HSF1: variants seen among roughly 807,000 people sequenced by gnomAD.
HSF1 encodes heat shock factor protein 1.
Under a neutral mutation model 51.7 loss-of-function variants are expected in HSF1, and 32 were observed. The ratio of observed to expected loss-of-function variants is 0.62; its 90% CI spans 0.47 to 0.83. The LOEUF is 0.83. Ranked by LOEUF, HSF1 falls within the 40% of genes least tolerant of loss-of-function variation. The pLI, the probability that HSF1 is intolerant of heterozygous loss-of-function variation, is 0.00. For missense variants in HSF1, 727 were observed against 717.0 expected, an observed-to-expected ratio of 1.01 and a Z score of -0.16; for synonymous variants, 396 against 309.7, an observed-to-expected ratio of 1.28 and a Z score of -2.92.
chr8:144,311,253 G>A lies in HSF1; in HGVS notation c.564+4G>A. The A allele has an allele frequency of 6.2e-7, 1 of 1,613,440 alleles. No homozygotes were observed. Among genetic ancestry groups the A allele is most frequent in the South Asian group, 1.1e-5 (1 of 91,080 alleles). ...GCAACAGAAAGTCGTCAACAAGGTGGGGGCAGGGCCAGAGGGCCGGCGGGG... is the reference window on the plus strand; with the variant it reads ...GCAACAGAAAGTCGTCAACAAGGTGAGGGCAGGGCCAGAGGGCCGGCGGGG... On this transcript the variant is annotated splice_donor_region_variant and intron_variant, in intron 5 of 12. Transcript: ENST00000528838.
chr8:144,311,221 A>G lies in HSF1; in HGVS notation c.536A>G (p.His179Arg). Residue 179 changes from histidine to arginine, a missense_variant, in exon 5 of 13, where the codon CAT becomes CGT. His to Arg is a conservative substitution (Grantham distance 29). This residue lies in a region of HSF1 where 257 missense variants were observed against 318.3 expected (regional missense o/e 0.81). Coordinates refer to ENST00000528838, the MANE Select transcript of HSF1 (RefSeq NM_005526.4). Reference protein sequence around the residue: ...WREVASLRQKHAQQQKVVNKL... With the variant: ...WREVASLRQKRAQQQKVVNKL... ...GAGGTGGCCAGCCTTCGGCAGAAGC[A>G]TGCCCAGCAACAGAAAGTCGTCAAC... 6.2e-7 allele frequency: 1 copy of G among 1,611,896 alleles called. No homozygotes were observed. Among genetic ancestry groups the G allele is most frequent in the Non-Finnish European group, 8.5e-7 (1 of 1,179,420 alleles).
rs781873655 is a variant in HSF1, at chr8:144,311,682, T to C, written c.724-18T>C. The C allele has an allele frequency of 6.2e-7, 1 of 1,609,364 alleles. No homozygotes were observed. Among genetic ancestry groups the C allele is most frequent in the African/African-American group, 1.3e-5 (1 of 74,818 alleles). On this transcript the variant is annotated intron_variant, in intron 7 of 12. Transcript: ENST00000528838. ...TGCCCCTGCCGGCACTGCATGGACCTCCTGCCTTTGATTGCAGGCCCCCTC... is the reference window on the plus strand; with the variant it reads ...TGCCCCTGCCGGCACTGCATGGACCCCCTGCCTTTGATTGCAGGCCCCCTC...
Position 144,314,246 on chromosome 8 carries a change from A to C in HSF1, c.1506A>C (p.Glu502Asp), listed in dbSNP as rs1164423085. 3 of 1,550,384 alleles carry C rather than the reference A, an allele frequency of 1.9e-6. No individual in the cohort carries two copies. The highest frequency in any genetic ancestry group is 1.7e-6 in the Non-Finnish European group (2 of 1,147,026). ...TGGGAGAGGGCTCCTACTTCTCCGA[A>C]GGGGACGGCTTCGCCGAGGACCCCA... Reference protein sequence around the residue: ...FELGEGSYFSEGDGFAEDPTI... With the variant: ...FELGEGSYFSDGDGFAEDPTI... The change falls in exon 13 of 13, where the codon GAA becomes GAC. Residue 502 changes from glutamate to aspartate, a missense_variant. This residue lies in a region of HSF1 where 470 missense variants were observed against 398.8 expected (regional missense o/e 1.18). Transcript: ENST00000528838.
intron 2 of HSF1, 100 bp from the exon 3 acceptor site, chr8:144,309,355 C>T (rs1816441935): frequency 6.5e-7 from 1 of 1,539,148 alleles, no homozygotes; most frequent in African/African-American, 1.4e-5. Flanking sequence ...AGGGTCTGAC[C>T]ATGGCCAAGC....
rs1815097592 is a variant in HSF1 at position 144,291,715 on chromosome 8, C to T, written c.-43C>T. ...ACGGCGTTAGCCCGGCCCTCGGCCC[C>T]TCTTTGCGGCCGCTCCCTCCGCCTA... On this transcript the variant is annotated 5_prime_UTR_variant, in exon 1 of 13. Transcript: ENST00000528838. This position sits in a 1 kb window ranked among gnomAD's most constrained non-coding sequence, Gnocchi z 4.1. 8.2e-7 allele frequency: 1 copy of T among 1,226,920 alleles called. No individual in the cohort carries two copies. Among genetic ancestry groups the T allele is most frequent in the Non-Finnish European group, 1.1e-6 (1 of 891,138 alleles). 76.0% of individuals were successfully genotyped at this position (1,226,920 alleles called of 1,614,324 possible).
rs367560072 is a variant in HSF1 at position 144,311,927 on chromosome 8, C to T, written c.861-36C>T. On this transcript the variant is annotated intron_variant, in intron 8 of 12. Coordinates refer to ENST00000528838, the MANE Select transcript of HSF1 (RefSeq NM_005526.4). Reference sequence around the variant, plus strand: ...GAGTTGGGGATGAGGTGGGGCTGGCCGAGACGCCAGCTCACCTGGCCCCCC... The same window carrying T: ...GAGTTGGGGATGAGGTGGGGCTGGCTGAGACGCCAGCTCACCTGGCCCCCC... 3.2e-4 allele frequency: 498 copies of T among 1,578,976 alleles called. 1 individual carries two copies. In the African/African-American group the frequency reaches 5.7e-3, roughly 18 times the overall value.
rs782465996 is a variant in HSF1 at position 144,311,950 on chromosome 8, C to A, written c.861-13C>A. The A allele has an allele frequency of 7.0e-6, 11 of 1,579,862 alleles. No homozygotes were observed. Among genetic ancestry groups the A allele is most frequent in the African/African-American group, 1.3e-5 (1 of 74,240 alleles). ...GCCGAGACGCCAGCTCACCTGGCCC[C>A]CCTCGTGTGCAGGCCCCTATCCAGC... On this transcript the variant is annotated splice_polypyrimidine_tract_variant and intron_variant, in intron 8 of 12. Transcript: ENST00000528838.
chr8:144,313,650 C>CCGCCT (rs1339488061), intron 10 of HSF1, 34 bp downstream of exon 10: 1 of 249,676 alleles, frequency 4.0e-6, no homozygotes, highest in South Asian at 3.8e-5. Flanking sequence ...CCTCCCCGCC[C>CCGCCT]CGCCTCCCCG....
chr8:144,311,152 G>T lies in HSF1; in HGVS notation c.489-22G>T. 1.9e-6 allele frequency: 3 copies of T among 1,580,798 alleles called. No homozygotes were observed. In the South Asian group the frequency reaches 3.4e-5, roughly 18 times the overall value. On this transcript the variant is annotated intron_variant, in intron 4 of 12. Coordinates refer to ENST00000528838, the MANE Select transcript of HSF1 (RefSeq NM_005526.4). ...GGGGCTCATGGGATTGGGCCCCACTGACCCAGCCTGGTCTGTTGCAGTGAG... is the reference window on the plus strand; with the variant it reads ...GGGGCTCATGGGATTGGGCCCCACTTACCCAGCCTGGTCTGTTGCAGTGAG...
In HSF1 at chr8:144,311,778, A is replaced by G; in HGVS notation, c.802A>G (p.Ile268Val). The change falls in exon 8 of 13, where the codon ATC becomes GTC. Residue 268 changes from isoleucine (I) to valine (V), a missense_variant. This residue lies in a region of HSF1 where 470 missense variants were observed against 398.8 expected (regional missense o/e 1.18). Transcript: ENST00000528838. ...VASSGPIISD[I>V]TELAPASPMA... ...CAGCTCTGGACCCATCATCTCCGAC[A>G]TCACCGAGCTGGCTCCTGCCAGCCC... The G allele has an allele frequency of 6.2e-7, 1 of 1,612,542 alleles. No individual in the cohort carries two copies. Among genetic ancestry groups the G allele is most frequent in the Non-Finnish European group, 8.5e-7 (1 of 1,179,756 alleles).
At position 144,306,756 on chromosome 8, in the gene HSF1, G is replaced by A. The variant is rs549781573; in HGVS notation, c.118-2150G>A. On this transcript the variant is annotated intron_variant, in intron 1 of 12. Transcript: ENST00000528838. ...TTTGTCATTGCTGCTGTTTGTCGTG[G>A]TTATCTGTCAGGTAGCTTTTCGGCA... Among the ~76,000 whole-genome samples, 10 of 152,212 alleles carry A rather than the reference G, an allele frequency of 6.6e-5. 1 individual carries two copies. The highest frequency in any genetic ancestry group is 2.6e-4 in the Admixed American group (4 of 15,278).
chr8:144,309,956 G>A (rs1020449858), intron 4 of HSF1, 60 bp downstream of exon 4: 55 of 1,570,442 alleles, frequency 3.5e-5, no homozygotes, highest in Non-Finnish European at 4.2e-5. Context: ...AAGAGGCCCC[G>A]GGTGCTGTGG....
At position 144,311,928 on chromosome 8, in the gene HSF1, G is replaced by A. The variant is rs112158986; in HGVS notation, c.861-35G>A. 60 of 1,579,600 alleles carry A rather than the reference G, an allele frequency of 3.8e-5. 1 individual carries two copies. The highest frequency in any genetic ancestry group is 6.8e-5 in the East Asian group (3 of 44,368). The stretch of plus-strand genomic sequence containing the variant: ...AGTTGGGGATGAGGTGGGGCTGGCC[G>A]AGACGCCAGCTCACCTGGCCCCCCT... On this transcript the variant is annotated intron_variant, in intron 8 of 12. Coordinates refer to ENST00000528838, the MANE Select transcript of HSF1 (RefSeq NM_005526.4).
Position 144,311,980 on chromosome 8 carries a change from C to T in HSF1, c.878C>T (p.Pro293Leu). 1 of 1,591,376 alleles carries T rather than the reference C, an allele frequency of 6.3e-7. No individual in the cohort carries two copies. Among genetic ancestry groups the T allele is most frequent in the Non-Finnish European group, 8.5e-7 (1 of 1,170,032 alleles). Residue 293 changes from proline (P) to leucine (L), a missense_variant, in exon 9 of 13, where the codon CCC becomes CTC. By Grantham distance (98) the Pro-to-Leu change is moderately conservative. This residue lies in a region of HSF1 where 470 missense variants were observed against 398.8 expected (regional missense o/e 1.18). Coordinates refer to ENST00000528838, the MANE Select transcript of HSF1 (RefSeq NM_005526.4). Reference protein sequence around the residue: ...SIDERPLSSSPLVRVKEEPPS... With the variant: ...SIDERPLSSSLLVRVKEEPPS... ...GTGTGCAGGCCCCTATCCAGCAGCC[C>T]CCTGGTGCGTGTCAAGGAGGAGCCC... is the stretch of plus-strand genomic sequence containing the variant.
chr8:144,300,606 A>G (rs1554842110), intron 1 of HSF1, among the ~76,000 whole-genome samples: 3 of 152,254 alleles, frequency 2.0e-5, no homozygotes, highest in African/African-American at 7.2e-5. Flanking sequence ...ATGAAAAAAC[A>G]TCAAACAAAT....
intron 5 of HSF1, 25 bp downstream of exon 5, chr8:144,311,274 CG>C (rs782492626): frequency 6.3e-7 from 1 of 1,594,798 alleles, no homozygotes; most frequent in African/African-American, 1.3e-5. Flanking sequence ...AGAGGGCCGG[CG>C]GGGGCCCCAC....
chr8:144,314,089 C>CA, intron 12 of HSF1, 35 bp downstream of exon 12: 5 of 1,537,444 alleles, frequency 3.3e-6, no homozygotes, highest in South Asian at 2.3e-5. Context: ...CCTCTGCCCC[C>CA]AACCCCCCAC....
chr8:144,303,349 G>C (rs1223946348), intron 1 of HSF1, among the ~76,000 whole-genome samples: 1 of 152,000 alleles, frequency 6.6e-6, no homozygotes, highest in Non-Finnish European at 1.5e-5. Context: ...TAACTTAGAG[G>C]AGCTGTTGTT....
chr8:144,311,045 G>A, intron 4 of HSF1, 129 bp from the exon 5 acceptor site: 1 of 816,844 alleles, frequency 1.2e-6, no homozygotes, highest in Non-Finnish European at 1.9e-6. Context: ...CTCATCCTGG[G>A]GTGGGCCAGG....
Sources: allele counts gnomAD v4.1 joint callset (sites outside exome capture counted in the v4.1 genomes callset), GRCh38; gene constraint gnomAD v4.1.1; regional missense constraint gnomAD v4.1.1; non-coding constraint Gnocchi (gnomAD v3.1); transcripts MANE v1.5; gene names NCBI Gene and HGNC (gene_info 2026-07-23, HGNC 2026-07-21).